Variants in ADAMTS5 observed in about 807,000 individuals in gnomAD.
ADAMTS5 encodes the protein A disintegrin and metalloproteinase with thrombospondin motifs 5.
In ADAMTS5, 54 loss-of-function variants were observed where a neutral mutation model predicts 81.4. That is an observed-to-expected ratio of 0.66 (90% CI 0.53 to 0.83). The LOEUF (loss-of-function observed/expected upper bound fraction) is 0.83, where lower values mean the gene tolerates loss of function less well. Among genes scored for constraint, ADAMTS5 ranks in the 40% least tolerant of loss-of-function variants. The probability of loss-of-function intolerance (pLI) is 0.00; values close to 1 mark genes in which losing one functional copy is unlikely to be tolerated. For synonymous variants in ADAMTS5, 532 were observed against 508.8 expected (o/e 1.05, Z -0.61); for missense variants, 1,194 against 1,229.9 (o/e 0.97, Z 0.44).
chr21:26,948,077 C>T (rs1327970921), intron 2 of ADAMTS5, among the ~76,000 whole-genome samples: 1 of 151,978 alleles, frequency 6.6e-6, no homozygotes, highest in African/African-American at 2.4e-5. Context: ...TTTGATATTC[C>T]CAATACAGAT....
chr21:26,965,953 C>G lies in ADAMTS5; in HGVS notation c.439G>C (p.Asp147His), dbSNP rs759258769. The change falls in exon 1 of 8, where the codon GAC becomes CAC. Residue 147 changes from aspartate (D) to histidine (H), a missense_variant. Physicochemically the swap from Asp to His is moderately conservative, Grantham distance 81. Around this residue, in one of 2 missense-constraint regions of ADAMTS5, gnomAD observed 498 missense variants for 412.3 expected, o/e 1.21. Coordinates refer to ENST00000284987, the MANE Select transcript of ADAMTS5 (RefSeq NM_007038.5). ...DGSPRSLAVF[D>H]LCGGLDGFFA... ...AAGCCGTCGAGACCCCCACAGAGGTCAAAGACAGCCAGAGAGCGGGGACTA... is the reference window on the plus strand; with the variant it reads ...AAGCCGTCGAGACCCCCACAGAGGTGAAAGACAGCCAGAGAGCGGGGACTA... The G allele has an allele frequency of 6.2e-7, 1 of 1,613,482 alleles. No individual in the cohort carries two copies. Among genetic ancestry groups the G allele is most frequent in the East Asian group, 2.2e-5 (1 of 44,846 alleles).
rs1987676904 is a variant in ADAMTS5 at position 26,966,437 on chromosome 21, G to T, written c.-46C>A. 7.1e-7 allele frequency: 1 copy of T among 1,402,004 alleles called. No individual in the cohort carries two copies. Among genetic ancestry groups the T allele is most frequent in the Non-Finnish European group, 9.2e-7 (1 of 1,088,720 alleles). 86.8% of individuals were successfully genotyped at this position (1,402,004 alleles called of 1,614,324 possible). ...GGGCTGCGCGACTGGGACTTTATGG[G>T]TATTTGTTATTTGCTATGAAGTTAA... is the stretch of plus-strand genomic sequence containing the variant. On this transcript the variant is annotated 5_prime_UTR_variant, in exon 1 of 8. Coordinates refer to ENST00000284987, the MANE Select transcript of ADAMTS5 (RefSeq NM_007038.5).
intron 3 of ADAMTS5, among the ~76,000 whole-genome samples, chr21:26,942,385 G>T (rs577320207): frequency 6.6e-6 from 1 of 152,126 alleles, no homozygotes; most frequent in East Asian, 1.9e-4. Context: ...TATATCATGA[G>T]GTAATTTTAT....
chr21:26,965,483 G>C lies in ADAMTS5; in HGVS notation c.909C>G (p.Ser303Arg), dbSNP rs928977166. The change falls in exon 1 of 8, where the codon AGC becomes AGG. Residue 303 changes from serine (S) to arginine (R), a missense_variant. Ser to Arg is a moderately radical substitution (Grantham distance 110). Transcript: ENST00000284987. ...GGATGTGGTTCTCGATGCTAGCATG[G>C]CTGTACAGCCTATTGGCGATGGAGG... is the stretch of plus-strand genomic sequence containing the variant. Reference protein sequence around the residue: ...TLASIANRLYSHASIENHIRL... With the variant: ...TLASIANRLYRHASIENHIRL... 2 of 1,614,112 alleles carry C rather than the reference G, an allele frequency of 1.2e-6. No individual in the cohort carries two copies. The highest frequency in any genetic ancestry group is 2.7e-5 in the African/African-American group (2 of 74,948).
chr21:26,965,022 C>T (rs1484658936), intron 1 of ADAMTS5, among the ~76,000 whole-genome samples: 1 of 152,170 alleles, frequency 6.6e-6, no homozygotes, highest in Non-Finnish European at 1.5e-5. Flanking sequence ...CGTTCCTATG[C>T]CACAACACCT....
At chr21:26,953,678 G>T (rs1987364186) in intron 2 of ADAMTS5, among the ~76,000 whole-genome samples, 1 of 152,020 alleles carries the variant, frequency 6.6e-6, no homozygotes, top group African/African-American at 2.4e-5. Flanking sequence ...ATGGCAAAAG[G>T]TACCATAATT....
intron 1 of ADAMTS5, among the ~76,000 whole-genome samples, chr21:26,960,160 A>T (rs542776665): frequency 1.3e-5 from 2 of 152,138 alleles, no homozygotes; most frequent in Admixed American, 6.5e-5. Context: ...TTCTTGACCC[A>T]ATCTATGCCT....
chr21:26,944,220 T>A (rs1987171267), intron 2 of ADAMTS5, among the ~76,000 whole-genome samples: 1 of 152,184 alleles, frequency 6.6e-6, no homozygotes, highest in Non-Finnish European at 1.5e-5. Flanking sequence ...AACATATAGC[T>A]CATTTTGAAA....
chr21:26,961,551 C>G (rs1440768143), intron 1 of ADAMTS5, among the ~76,000 whole-genome samples: 1 of 152,222 alleles, frequency 6.6e-6, no homozygotes. Flanking sequence ...GCAGGTATTT[C>G]TACCTCGCTG....
chr21:26,933,726 AG>A (rs935482316), intron 4 of ADAMTS5, among the ~76,000 whole-genome samples: 1 of 152,234 alleles, frequency 6.6e-6, no homozygotes, highest in Non-Finnish European at 1.5e-5. Context: ...TCTGAAAGGA[AG>A]AATATGATCA....
Position 26,966,489 on chromosome 21 carries a change from C to G in ADAMTS5, c.-98G>C. 3 of 1,262,190 alleles carry G rather than the reference C, an allele frequency of 2.4e-6. No homozygotes were observed. In the South Asian group the frequency reaches 5.7e-5, roughly 24 times the overall value. The allele number at this position is 1,262,190 out of a possible 1,614,324, so 78.2% of individuals were successfully genotyped here. On this transcript the variant is annotated 5_prime_UTR_variant, in exon 1 of 8. Coordinates refer to ENST00000284987, the MANE Select transcript of ADAMTS5 (RefSeq NM_007038.5). ...GGGGCGGGGGATGGGGACACACACA[C>G]ACTTGCTTGCAGGATTGAGTCAAGT...
intron 3 of ADAMTS5, among the ~76,000 whole-genome samples, chr21:26,935,330 A>G (rs1986994310): frequency 6.6e-6 from 1 of 152,142 alleles, no homozygotes; most frequent in African/African-American, 2.4e-5. Context: ...CAGCACCTAC[A>G]ATGTTCTAGA....
At position 26,966,719 on chromosome 21, in the gene ADAMTS5, C is replaced by A. The variant is rs975192658; in HGVS notation, c.-328G>T. On this transcript the variant is annotated 5_prime_UTR_variant, in exon 1 of 8. Transcript: ENST00000284987. ...ACGGGAAAAGGAAAAAAACAAAAAC[C>A]AAAAAACCACCAAATGCAGGCACGA... 1.0e-4 allele frequency among the ~76,000 whole-genome samples: 15 copies of A among 147,672 alleles called. No homozygotes were observed. The highest frequency in any genetic ancestry group is 1.8e-4 in the Non-Finnish European group (12 of 67,070).
At chr21:26,927,156 G>T (rs1237124098) in intron 7 of ADAMTS5, among the ~76,000 whole-genome samples, 1 of 152,190 alleles carries the variant, frequency 6.6e-6, no homozygotes, top group African/African-American at 2.4e-5. Context: ...GGCTGGCAGG[G>T]CAAAGGAATC....
intron 3 of ADAMTS5, among the ~76,000 whole-genome samples, chr21:26,940,742 T>C (rs1209896999): frequency 6.6e-6 from 1 of 152,164 alleles, no homozygotes; most frequent in Non-Finnish European, 1.5e-5. Flanking sequence ...CATCGTTTAG[T>C]CTTCTAACAA....
Position 26,919,572 on chromosome 21 carries a change from A to G in ADAMTS5, c.*4481T>C, listed in dbSNP as rs1312050770. On this transcript the variant is annotated 3_prime_UTR_variant, in exon 8 of 8. Transcript: ENST00000284987. ...ATATCATAGCCCCAGGCAGGCATTT[A>G]CCAGACTGAATGTTTTGCTGATCTG... The G allele has an allele frequency of 6.6e-6, 1 of 152,054 alleles. No individual in the cohort carries two copies. The highest frequency in any genetic ancestry group is 1.5e-5 in the Non-Finnish European group (1 of 67,964). The allele number at this position is 152,054 out of a possible 1,614,324, so 9.4% of individuals were successfully genotyped here.
chr21:26,940,051 A>T (rs1485069286), intron 3 of ADAMTS5, among the ~76,000 whole-genome samples: 1 of 152,276 alleles, frequency 6.6e-6, no homozygotes, highest in Non-Finnish European at 1.5e-5. Flanking sequence ...GGAAACACTC[A>T]GTACTAATGA....
chr21:26,950,661 AG>A (rs1368778567), intron 2 of ADAMTS5, among the ~76,000 whole-genome samples: 1 of 152,252 alleles, frequency 6.6e-6, no homozygotes, highest in Non-Finnish European at 1.5e-5. Flanking sequence ...TTCAAAATCT[AG>A]CAGCTTTTTT....
intron 3 of ADAMTS5, among the ~76,000 whole-genome samples, chr21:26,935,593 T>C (rs1201666162): frequency 6.6e-6 from 1 of 152,224 alleles, no homozygotes; most frequent in East Asian, 1.9e-4. Context: ...TTTGGATCTA[T>C]CTGCCGAAAC....
Sources: allele counts gnomAD v4.1 joint callset (sites outside exome capture counted in the v4.1 genomes callset), GRCh38; gene constraint gnomAD v4.1.1; regional missense constraint gnomAD v4.1.1; transcripts MANE v1.5; gene names NCBI Gene and HGNC (gene_info 2026-07-23, HGNC 2026-07-21).